Variants in NSD1 observed in about 807,000 individuals in gnomAD.
The protein encoded by NSD1 is nuclear receptor binding SET domain protein 1.
In NSD1, 26 loss-of-function variants were observed where a neutral mutation model predicts 242.7. The ratio of observed to expected loss-of-function variants is 0.11; its 90% confidence interval spans 0.08 to 0.15. The LOEUF (loss-of-function observed/expected upper bound fraction) is 0.15. Among genes scored for constraint, NSD1 ranks in the 10% least tolerant of loss-of-function variants. The probability of loss-of-function intolerance (pLI) is 1.00; values close to 1 mark genes in which losing one functional copy is unlikely to be tolerated. For missense variants in NSD1, 2,495 were observed against 3,272.8 expected, an observed-to-expected ratio of 0.76 and a Z score of 5.80; for synonymous variants, 1,106 against 1,178.1, an observed-to-expected ratio of 0.94 and a Z score of 1.25.
At chr5:177,157,379 A>AT (rs924427706) in intron 2 of NSD1, among the ~76,000 whole-genome samples, 5 of 151,780 alleles carry the variant, frequency 3.3e-5, no homozygotes, top group South Asian at 2.1e-4. Flanking sequence ...AGAAAAAAAA[A>AT]ATATATAATT....
intron 2 of NSD1, among the ~76,000 whole-genome samples, chr5:177,167,824 A>G (rs1178459179): frequency 6.6e-6 from 1 of 152,172 alleles, no homozygotes; most frequent in Non-Finnish European, 1.5e-5. Context: ...GATATTTTCG[A>G]CTTATGATGG....
intron 20 of NSD1, among the ~76,000 whole-genome samples, chr5:177,286,291 C>T (rs2127266914): frequency 6.6e-6 from 1 of 152,218 alleles, no homozygotes; most frequent in Admixed American, 6.5e-5. Flanking sequence ...AAATTTGAGC[C>T]ACTAGTTACT....
intron 5 of NSD1, among the ~76,000 whole-genome samples, chr5:177,225,851 C>T (rs2149871332): frequency 6.6e-6 from 1 of 152,170 alleles, no homozygotes; most frequent in Middle Eastern, 3.4e-3. Flanking sequence ...ATTTTCCTCC[C>T]AACCCTGTAC....
chr5:177,174,541 A>G (rs561617343), intron 2 of NSD1, among the ~76,000 whole-genome samples: 6 of 150,056 alleles, frequency 4.0e-5, no homozygotes, highest in African/African-American at 1.5e-4. Context: ...TCAATGCACC[A>G]TTGCCCAAAA....
intron 2 of NSD1, among the ~76,000 whole-genome samples, chr5:177,159,735 G>C (rs563173584): frequency 3.4e-4 from 51 of 151,710 alleles, no homozygotes; most frequent in African/African-American, 1.2e-3. Context: ...TGGGATTGCA[G>C]GCATATACCA....
chr5:177,292,723 A>C (rs952861935), intron 22 of NSD1, among the ~76,000 whole-genome samples: 3 of 152,226 alleles, frequency 2.0e-5, no homozygotes, highest in Non-Finnish European at 4.4e-5. Flanking sequence ...TGTATCAGTT[A>C]ATACATGAGA....
chr5:177,241,034 A>C (rs1412876350), intron 8 of NSD1, among the ~76,000 whole-genome samples: 1 of 152,124 alleles, frequency 6.6e-6, no homozygotes, highest in Non-Finnish European at 1.5e-5. Context: ...ATCAATCAAT[A>C]AATGAAATTT....
At chr5:177,291,701 A>G (rs1278522252) in intron 21 of NSD1, among the ~76,000 whole-genome samples, 2 of 152,198 alleles carry the variant, frequency 1.3e-5, no homozygotes. Flanking sequence ...AAGGCATGTC[A>G]TTTAACACCA....
chr5:177,135,173 G>GC lies in NSD1; in HGVS notation c.74dup (p.Glu26Ter), dbSNP rs1258507155. 2 of 1,614,100 alleles carry GC rather than the reference G, an allele frequency of 1.2e-6. No individual in the cohort carries two copies. The highest frequency in any genetic ancestry group is 2.2e-5 in the South Asian group (2 of 91,080). On this transcript the variant is annotated frameshift_variant, in exon 2 of 23. Coordinates refer to ENST00000439151, the MANE Select transcript of NSD1 (RefSeq NM_022455.5). LOFTEE classifies it high-confidence loss of function. ...CTTTTCCAATCCAGTGAATTTAGAT[G>GC]CCCCTGAAGACAAGGACAGCCCTTT...
At chr5:177,216,131 G>A (rs1763753040) in intron 5 of NSD1, among the ~76,000 whole-genome samples, 1 of 152,130 alleles carries the variant, frequency 6.6e-6, no homozygotes, top group South Asian at 2.1e-4. Flanking sequence ...CCAAAATGCT[G>A]GGATTCCAGA....
At chr5:177,281,783 G>C (rs1758909773) in intron 18 of NSD1, among the ~76,000 whole-genome samples, 1 of 152,136 alleles carries the variant, frequency 6.6e-6, no homozygotes, top group Non-Finnish European at 1.5e-5. Context: ...CTCCTGAGTA[G>C]CAGGGACTAC....
chr5:177,156,742 G>A (rs927309728), intron 2 of NSD1, among the ~76,000 whole-genome samples: 1 of 152,102 alleles, frequency 6.6e-6, no homozygotes, highest in Admixed American at 6.6e-5. Flanking sequence ...TTATATAGTT[G>A]CAAATTTAAA....
Position 177,295,439 on chromosome 5 carries a change from G to T in NSD1, c.8071G>T (p.Ala2691Ser). Residue 2691 changes from alanine to serine, a missense_variant, in exon 23 of 23, where the codon GCA (alanine) becomes TCA (serine). By Grantham distance (99) the Ala-to-Ser change is moderately conservative (BLOSUM62 1). This residue lies in a region of NSD1 where 475 missense variants were observed against 563.7 expected (regional missense o/e 0.84). Transcript: ENST00000439151. The surrounding 1 kb of genome is among the most constrained non-coding windows in gnomAD (Gnocchi z 4.3). ...CCAGGCTCCTTCCAGTCACAAGTGTGCAGAATCAGAACAGAAGTAGTACCA... is the reference window on the plus strand; with the variant it reads ...CCAGGCTCCTTCCAGTCACAAGTGTTCAGAATCAGAACAGAAGTAGTACCA... ...LNQAPSSHKC[A>S]ESEQK is the part of the protein sequence containing the mutation. 1 of 1,614,048 alleles carries T rather than the reference G, an allele frequency of 6.2e-7. No individual in the cohort carries two copies. Among genetic ancestry groups the T allele is most frequent in the Non-Finnish European group, 8.5e-7 (1 of 1,179,958 alleles).
At chr5:177,273,916 T>C (rs1229275155) in intron 17 of NSD1, 132 bp downstream of exon 17, 1 of 668,330 alleles carries the variant, frequency 1.5e-6, no homozygotes, top group Non-Finnish European at 2.7e-6. Context: ...TAAAAGAAGA[T>C]CAGAAATAGC....
chr5:177,163,519 A>C (rs1354429076), intron 2 of NSD1, among the ~76,000 whole-genome samples: 1 of 152,172 alleles, frequency 6.6e-6, no homozygotes, highest in Non-Finnish European at 1.5e-5. Flanking sequence ...CCTCCATTTG[A>C]GACCATACTT....
At chr5:177,252,539 C>T (rs112891332) in intron 12 of NSD1, among the ~76,000 whole-genome samples, 3,769 of 47,252 alleles carry the variant, frequency 0.08, 268 homozygotes, top group African/African-American at 0.23. Flanking sequence ...GTAAAGTGTT[C>T]TTTTTTTTTT....
At chr5:177,165,388 C>T (rs1007433495) in intron 2 of NSD1, among the ~76,000 whole-genome samples, 1 of 152,112 alleles carries the variant, frequency 6.6e-6, no homozygotes, top group Non-Finnish European at 1.5e-5. Flanking sequence ...CGATTGGTCT[C>T]GAACTCCTGA....
intron 5 of NSD1, 103 bp downstream of exon 5, chr5:177,212,298 A>G (rs2149850245): frequency 8.5e-7 from 1 of 1,169,960 alleles, no homozygotes; most frequent in Non-Finnish European, 1.2e-6. Context: ...TGAAGTATAA[A>G]CTAGCGGGGA....
intron 14 of NSD1, chr5:177,266,440 C>T (rs1757472352): frequency 6.5e-6 from 4 of 614,102 alleles, no homozygotes; most frequent in African/African-American, 1.8e-5. Flanking sequence ...AAAGAGGTGG[C>T]GGTTGTGAAA....
Sources: allele counts gnomAD v4.1 joint callset (sites outside exome capture counted in the v4.1 genomes callset), GRCh38; gene constraint gnomAD v4.1.1; regional missense constraint gnomAD v4.1.1; non-coding constraint Gnocchi (gnomAD v3.1); transcripts MANE v1.5; gene names NCBI Gene and HGNC (gene_info 2026-07-23, HGNC 2026-07-21).